The following PGBD1 variants were observed in gnomAD, a reference collection of about 807,000 sequenced individuals.
The protein encoded by PGBD1 is piggyBac transposable element derived 1, also known as piggyBac transposable element-derived protein 1.
PGBD1 carries 25 observed loss-of-function variants against 34.7 expected under a neutral mutation model. The observed-to-expected ratio is 0.72, with a 90% CI of 0.52 to 1.00. The LOEUF (loss-of-function observed/expected upper bound fraction) is 1.00. Among genes scored for constraint, PGBD1 ranks in the 50% least tolerant of loss-of-function variants. The probability of loss-of-function intolerance (pLI) is 0.00; values close to 1 mark genes in which losing one functional copy is unlikely to be tolerated. For missense variants in PGBD1, 830 were observed against 959.4 expected, an observed-to-expected ratio of 0.87 and a Z score of 1.78; for synonymous variants, 292 against 335.7, an observed-to-expected ratio of 0.87 and a Z score of 1.42.
At chr6:28,299,104 G>C (rs1364941760) in intron 6 of PGBD1, among the ~76,000 whole-genome samples, 1 of 152,202 alleles carries the variant, frequency 6.6e-6, no homozygotes, top group East Asian at 1.9e-4. Flanking sequence ...ACTAAAGGAA[G>C]AGATATGATG....
chr6:28,282,004 A>G (rs1213375823), intron 1 of PGBD1, 86 bp downstream of exon 1: 3 of 152,264 alleles, frequency 2.0e-5, no homozygotes, highest in Admixed American at 6.5e-5. Context: ...GATCTGTAAT[A>G]CGAGATGGAG....
Position 28,300,842 on chromosome 6 carries a change from T to C in PGBD1, c.988T>C (p.Ser330Pro). 6.2e-7 allele frequency: 1 copy of C among 1,613,964 alleles called. No individual in the cohort carries two copies. ...GDLWARMHIS[S>P]LEYAAGDITR... is the part of the protein sequence containing the mutation. ...TTTGTGGGCCCGCATGCACATCTCATCCCTGGAATATGCTGCAGGAGACAT... is the reference window on the plus strand; with the variant it reads ...TTTGTGGGCCCGCATGCACATCTCACCCCTGGAATATGCTGCAGGAGACAT... The change falls in exon 7 of 7, where the codon TCC becomes CCC. Residue 330 changes from serine to proline, a missense_variant. Ser to Pro is a moderately conservative substitution (Grantham distance 74). This residue lies in a region of PGBD1 where 457 missense variants were observed against 515.4 expected (regional missense o/e 0.89). Transcript: ENST00000682144. The surrounding 1 kb of genome is among the most constrained non-coding windows in gnomAD (Gnocchi z 4.0).
rs751305530 is a variant in PGBD1 at position 28,300,772 on chromosome 6, G to T, written c.918G>T (p.Arg306Ser). Reference sequence around the variant, plus strand: ...GTAGTACTCCTATTGCTACTGAAAGGACAGTTGCACATTTGAACACTCTGA... The same window carrying T: ...GTAGTACTCCTATTGCTACTGAAAGTACAGTTGCACATTTGAACACTCTGA... ...IPCSTPIATE[R>S]TVAHLNTLKD... Residue 306 changes from arginine (R) to serine (S), a missense_variant, in exon 7 of 7, where the codon AGG becomes AGT. Physicochemically the swap from Arg to Ser is moderately radical, Grantham distance 110. Around this residue, in one of 3 missense-constraint regions of PGBD1, gnomAD observed 457 missense variants for 515.4 expected, o/e 0.89. Coordinates refer to ENST00000682144, the MANE Select transcript of PGBD1 (RefSeq NM_032507.4). This position sits in a 1 kb window ranked among gnomAD's most constrained non-coding sequence, Gnocchi z 4.0. 1.9e-6 allele frequency: 3 copies of T among 1,613,976 alleles called. No homozygotes were observed. Among genetic ancestry groups the T allele is most frequent in the Admixed American group, 1.7e-5 (1 of 60,002 alleles).
Position 28,298,010 on chromosome 6 carries a change from C to A in PGBD1, c.869+19C>A, listed in dbSNP as rs772996475. The A allele has an allele frequency of 1.3e-6, 2 of 1,497,516 alleles. No homozygotes were observed. Among genetic ancestry groups the A allele is most frequent in the Non-Finnish European group, 9.3e-7 (1 of 1,079,714 alleles). The allele number at this position is 1,497,516 out of a possible 1,614,324, so 92.8% of individuals were successfully genotyped here. On this transcript the variant is annotated intron_variant, in intron 6 of 6. Coordinates refer to ENST00000682144, the MANE Select transcript of PGBD1 (RefSeq NM_032507.4). Reference sequence around the variant, plus strand: ...CCAACAGGTGAGTGTCCATGGTCCTCAGTGAATCAAATCCTGCAGATATAA... The same window carrying A: ...CCAACAGGTGAGTGTCCATGGTCCTAAGTGAATCAAATCCTGCAGATATAA...
intron 4 of PGBD1, among the ~76,000 whole-genome samples, chr6:28,292,436 T>C (rs1265349281): frequency 2.6e-5 from 4 of 152,038 alleles, no homozygotes; most frequent in Non-Finnish European, 5.9e-5. Context: ...TTATATTTTT[T>C]AGTATTTTAT....
At position 28,283,901 on chromosome 6, in the gene PGBD1, T is replaced by C. The variant is rs377259598; in HGVS notation, c.88T>C (p.Cys30Arg). 1,083 of 1,614,068 alleles carry C rather than the reference T, an allele frequency of 6.7e-4. 10 individuals are homozygous for C. The South Asian group carries it at 0.01, about 16-fold the overall frequency. Residue 30 changes from cysteine to arginine, a missense_variant, in exon 2 of 7, where the codon TGC (cysteine) becomes CGC (arginine). Around this residue, in one of 3 missense-constraint regions of PGBD1, gnomAD observed 457 missense variants for 515.4 expected, o/e 0.89. Transcript: ENST00000682144. Reference sequence around the variant, plus strand: ...GGAAGATCCCACCTGGGAGCAGGTGTGCAACTCACAGGAGGGCAGCTCCCA... The same window carrying C: ...GGAAGATCCCACCTGGGAGCAGGTGCGCAACTCACAGGAGGGCAGCTCCCA... Reference protein sequence around the residue: ...KEEDPTWEQVCNSQEGSSHTQ... With the variant: ...KEEDPTWEQVRNSQEGSSHTQ...
intron 3 of PGBD1, among the ~76,000 whole-genome samples, chr6:28,286,699 T>A (rs1762294043): frequency 6.6e-6 from 1 of 152,166 alleles, no homozygotes; most frequent in African/African-American, 2.4e-5. Context: ...CCCCTCAGTC[T>A]CATCTCTCTA....
chr6:28,287,613 ATAC>A (rs955420675), intron 4 of PGBD1, among the ~76,000 whole-genome samples: 48 of 152,260 alleles, frequency 3.2e-4, no homozygotes, highest in African/African-American at 1.1e-3. Flanking sequence ...ATCTAAGGTA[ATAC>A]TTAACATCTT....
Position 28,301,897 on chromosome 6 carries a change from C to T in PGBD1, c.2043C>T (p.Asn681=), listed in dbSNP as rs1293210947. The T allele has an allele frequency of 1.2e-6, 2 of 1,614,032 alleles. No homozygotes were observed. The highest frequency in any genetic ancestry group is 1.7e-5 in the Admixed American group (1 of 60,012). Residue 681 remains asparagine, a synonymous_variant, in exon 7 of 7, where the codon AAC becomes AAT. Coordinates refer to ENST00000682144, the MANE Select transcript of PGBD1 (RefSeq NM_032507.4). ...RGYFDFRIEE[N]NEIILCRWYG... The stretch of plus-strand genomic sequence containing the variant: ...ATTTTGATTTCCGAATAGAAGAAAA[C>T]AATGAGATAATTTTGTGTCGTTGGT...
chr6:28,287,681 A>G (rs1434302152), intron 4 of PGBD1, among the ~76,000 whole-genome samples: 1 of 151,878 alleles, frequency 6.6e-6, no homozygotes, highest in African/African-American at 2.4e-5. Flanking sequence ...TCATTTTCCT[A>G]GTCATTTATT....
intron 4 of PGBD1, among the ~76,000 whole-genome samples, chr6:28,287,637 T>C (rs1176957974): frequency 1.3e-5 from 2 of 152,192 alleles, no homozygotes; most frequent in Non-Finnish European, 2.9e-5. Flanking sequence ...CTTCACAAAA[T>C]GGACTCTGGT....
In PGBD1 at chr6:28,281,706, G is replaced by A. The variant is rs374027976; in HGVS notation, c.-251G>A. 2 of 311,638 alleles carry A rather than the reference G, an allele frequency of 6.4e-6. No homozygotes were observed. The highest frequency in any genetic ancestry group is 5.0e-5 in the East Asian group (1 of 20,086). 19.3% of individuals were successfully genotyped at this position (311,638 alleles called of 1,614,324 possible). ...AGCTCCCTCGGGAGCCTTTCACGAG[G>A]TCAGCTACGTCTTTGTTGTGCGCGT... On this transcript the variant is annotated 5_prime_UTR_variant, in exon 1 of 7. Transcript: ENST00000682144.
intron 5 of PGBD1, 49 bp from the exon 6 acceptor site, chr6:28,297,832 TTTTTTTTTTTTTTC>T: frequency 3.2e-6 from 1 of 309,750 alleles, no homozygotes; most frequent in East Asian, 6.9e-5. Flanking sequence ...TTTTTTTTTT[TTTTTTTTTTTTTTC>T]AAAATTCACA....
At chr6:28,295,897 G>A (rs1450354420) in intron 4 of PGBD1, among the ~76,000 whole-genome samples, 2 of 152,136 alleles carry the variant, frequency 1.3e-5, no homozygotes, top group East Asian at 3.8e-4. Flanking sequence ...GTTTGGAATA[G>A]GGTGATGATG....
chr6:28,300,684 A>G lies in PGBD1; in HGVS notation c.870-40A>G, dbSNP rs751967647. 1 of 1,561,298 alleles carries G rather than the reference A, an allele frequency of 6.4e-7. No individual in the cohort carries two copies. The highest frequency in any genetic ancestry group is 1.9e-5 in the Admixed American group (1 of 52,468). On this transcript the variant is annotated intron_variant, in intron 6 of 6. Transcript: ENST00000682144. The surrounding 1 kb of genome is among the most constrained non-coding windows in gnomAD (Gnocchi z 4.0). ...GATTTATCATGTGTGAGAGAATATG[A>G]TTGAGGATTTTTATAACATGTTCTT...
At chr6:28,282,512 G>A (rs1478096772) in intron 1 of PGBD1, among the ~76,000 whole-genome samples, 1 of 152,184 alleles carries the variant, frequency 6.6e-6, no homozygotes, top group Non-Finnish European at 1.5e-5. Context: ...AGTTGGGCAG[G>A]AATACCGTAA....
Position 28,297,899 on chromosome 6 carries a change from A to C in PGBD1, c.777A>C (p.Glu259Asp). The change falls in exon 6 of 7, where the codon GAA becomes GAC. Residue 259 changes from glutamate to aspartate, a missense_variant. By Grantham distance (45) the Glu-to-Asp change is conservative (BLOSUM62 2). Coordinates refer to ENST00000682144, the MANE Select transcript of PGBD1 (RefSeq NM_032507.4). Reference protein sequence around the residue: ...ETVMSLSPMTEEIVTKDRLFK... With the variant: ...ETVMSLSPMTDEIVTKDRLFK... ...ATCATTAATGTTATATTTTAGCTGAAGAAATTGTAACTAAAGATAGATTGT... is the reference window on the plus strand; with the variant it reads ...ATCATTAATGTTATATTTTAGCTGACGAAATTGTAACTAAAGATAGATTGT... 1.4e-6 allele frequency: 2 copies of C among 1,403,368 alleles called. No homozygotes were observed. The highest frequency in any genetic ancestry group is 1.9e-6 in the Non-Finnish European group (2 of 1,027,690). 86.9% of individuals were successfully genotyped at this position (1,403,368 alleles called of 1,614,324 possible). A position where few individuals can be genotyped will look rare whatever the true frequency, so the allele number is the denominator to read the frequency against.
Position 28,301,983 on chromosome 6 carries a change from T to C in PGBD1, c.2129T>C (p.Val710Ala). The C allele has an allele frequency of 6.2e-7, 1 of 1,614,196 alleles. No individual in the cohort carries two copies. Among genetic ancestry groups the C allele is most frequent in the Non-Finnish European group, 8.5e-7 (1 of 1,180,028 alleles). The change falls in exon 7 of 7, where the codon GTA becomes GCA. Residue 710 changes from valine (V) to alanine (A), a missense_variant. By Grantham distance (64) the Val-to-Ala change is moderately conservative. This residue lies in a region of PGBD1 where 372 missense variants were observed against 427.9 expected (regional missense o/e 0.87). Transcript: ENST00000682144. ...GTGGGCATAGAACCAGTCAATGAGG[T>C]AAGCTGTTGTGATGCTGATAACGAA... ...NAVGIEPVNE[V>A]SCCDADNEEI...
chr6:28,283,234 C>T (rs371241504), intron 1 of PGBD1, among the ~76,000 whole-genome samples: 56 of 152,334 alleles, frequency 3.7e-4, no homozygotes, highest in African/African-American at 4.3e-4. Flanking sequence ...AATGTCATTT[C>T]TGCTGTATTC....
Sources: allele counts gnomAD v4.1 joint callset (sites outside exome capture counted in the v4.1 genomes callset), GRCh38; gene constraint gnomAD v4.1.1; regional missense constraint gnomAD v4.1.1; non-coding constraint Gnocchi (gnomAD v3.1); transcripts MANE v1.5; gene names NCBI Gene and HGNC (gene_info 2026-07-23, HGNC 2026-07-21).